COLEC10: variants seen among roughly 807,000 people sequenced by gnomAD.
COLEC10 encodes collectin subfamily member 10, also known as collectin-10.
COLEC10 carries 22 observed loss-of-function variants against 28.4 expected under a neutral mutation model. The ratio of observed to expected loss-of-function variants is 0.78; its 90% CI spans 0.55 to 1.11. The LOEUF (loss-of-function observed/expected upper bound fraction) is 1.11. COLEC10 is among the 50% of genes least tolerant of loss of function. The pLI, the probability that COLEC10 is intolerant of heterozygous loss-of-function variation, is 0.00. For missense variants in COLEC10, 361 were observed against 344.1 expected, an observed-to-expected ratio of 1.05 and a Z score of -0.39; for synonymous variants, 125 against 116.1, an observed-to-expected ratio of 1.08 and a Z score of -0.49.
At chr8:118,989,726 A>ATGTGTGTGTGTGTGTGTGTGTG in the COLEC10 span, among the ~76,000 whole-genome samples, 64 of 151,314 alleles carry the variant, frequency 4.2e-4, no homozygotes, top group African/African-American at 1.5e-3. Context: ...AAAAATTTGC[A>ATGTGTGTGTGTGTGTGTGTGTG]TGTGTGTGTG....
chr8:119,070,195 G>T lies in COLEC10; in HGVS notation c.148+2766G>T, dbSNP rs116764763. On this transcript the variant is annotated intron_variant, in intron 1 of 5. Coordinates refer to ENST00000332843, the MANE Select transcript of COLEC10 (RefSeq NM_006438.5). ...ACTTCAGTGTCTTCATTTGCAAAAT[G>T]AGCCTTCATCACAGACCTCTTTTAA... 7.5e-3 allele frequency among the ~76,000 whole-genome samples: 1,135 copies of T among 152,232 alleles called. 15 individuals are homozygous for T. Among genetic ancestry groups the T allele is most frequent in the African/African-American group, 0.026 (1,065 of 41,538 alleles).
chr8:118,962,521 A>T, the COLEC10 span, among the ~76,000 whole-genome samples: 3 of 152,338 alleles, frequency 2.0e-5, no homozygotes, highest in Non-Finnish European at 4.4e-5. Context: ...ATATGTGAAC[A>T]CCTGTGATAC....
intron 2 of COLEC10, among the ~76,000 whole-genome samples, chr8:119,038,691 A>C (rs1025031845): frequency 2.6e-5 from 4 of 152,210 alleles, no homozygotes; most frequent in African/African-American, 9.7e-5. Context: ...AACACCTGTG[A>C]ATCTATCACT....
intron 2 of COLEC10, among the ~76,000 whole-genome samples, chr8:119,020,494 T>C (rs1814072317): frequency 6.6e-6 from 1 of 152,134 alleles, no homozygotes. Context: ...AGACACTTAG[T>C]ACATAAGGTT....
intron 2 of COLEC10, among the ~76,000 whole-genome samples, chr8:119,052,967 A>G (rs983081418): frequency 6.6e-6 from 1 of 152,132 alleles, no homozygotes; most frequent in African/African-American, 2.4e-5. Flanking sequence ...GAAGGCATAA[A>G]ATTCCAGAGA....
At chr8:119,062,419 A>G (rs1814871681), upstream of COLEC10, among the ~76,000 whole-genome samples, 3 of 152,182 alleles carry the variant, frequency 2.0e-5, no homozygotes, top group Admixed American at 2.0e-4. Context: ...TTGTCTCATA[A>G]GCCTGTTAAA....
intron 1 of COLEC10, among the ~76,000 whole-genome samples, chr8:119,075,601 G>A (rs1203198268): frequency 6.6e-6 from 1 of 152,072 alleles, no homozygotes; most frequent in East Asian, 1.9e-4. Flanking sequence ...TATATGAACA[G>A]GAGTCATTCT....
At chr8:118,999,014 A>G (rs1563712107) in intron 1 of COLEC10, among the ~76,000 whole-genome samples, 1 of 152,118 alleles carries the variant, frequency 6.6e-6, no homozygotes, top group Non-Finnish European at 1.5e-5. Context: ...ATTATCACCT[A>G]ATTTTCATAA....
the COLEC10 span, among the ~76,000 whole-genome samples, chr8:118,986,951 A>C: frequency 1.0e-3 from 153 of 152,300 alleles, 2 homozygotes; most frequent in African/African-American, 3.6e-3. Flanking sequence ...AAATGTTTTA[A>C]AACTAAATGG....
intron 1 of COLEC10, among the ~76,000 whole-genome samples, chr8:119,072,086 C>T (rs1022876950): frequency 2.6e-5 from 4 of 152,202 alleles, no homozygotes; most frequent in Non-Finnish European, 5.9e-5. Flanking sequence ...ACTGCTGCCT[C>T]CTTCACTAAG....
the COLEC10 span, among the ~76,000 whole-genome samples, chr8:118,952,757 C>T: frequency 1.3e-5 from 2 of 152,168 alleles, no homozygotes; most frequent in African/African-American, 4.8e-5. Flanking sequence ...GTAGCCTCCT[C>T]GAGGTCTTTC....
At chr8:119,089,623 A>T in intron 1 of COLEC10, 57 bp from the exon 2 acceptor site, 2 of 1,363,020 alleles carry the variant, frequency 1.5e-6, no homozygotes, top group South Asian at 2.4e-5. Flanking sequence ...CCCTGGGAGA[A>T]TGTGCTCATG....
rs372730726 is a variant in COLEC10 at position 119,034,415 on chromosome 8, T to TAA, written n.235+24876_235+24877dup. On this transcript the variant is annotated intron_variant and non_coding_transcript_variant, in intron 2 of 6. Transcript: ENST00000521788. ...CATGTATCCCAGAACTTACAGTATTTAAAAAAAAAAAAAAAGGCCAGGTGC... is the reference window on the plus strand; with the variant it reads ...CATGTATCCCAGAACTTACAGTATTTAAAAAAAAAAAAAAAAAGGCCAGGTGC... Among the ~76,000 whole-genome samples, 20 of 137,944 alleles carry TAA rather than the reference T, an allele frequency of 1.4e-4. 1 individual carries two copies. The highest frequency in any genetic ancestry group is 3.6e-3 in the Middle Eastern group (1 of 274). 90.5% of individuals were successfully genotyped at this position (137,944 alleles called of 152,430 possible).
intron 2 of COLEC10, among the ~76,000 whole-genome samples, chr8:119,047,792 G>T (rs1263037580): frequency 6.7e-6 from 1 of 148,392 alleles, no homozygotes; most frequent in African/African-American, 2.5e-5. Context: ...TATCTCAGTT[G>T]TTAGACAAAT....
chr8:119,105,929 C>T lies in COLEC10; in HGVS notation c.572C>T (p.Ala191Val), dbSNP rs145984763. 3.1e-6 allele frequency: 5 copies of T among 1,613,744 alleles called. No individual in the cohort carries two copies. Among genetic ancestry groups the T allele is most frequent in the Non-Finnish European group, 4.2e-6 (5 of 1,179,886 alleles). Residue 191 changes from alanine (A) to valine (V), a missense_variant, in exon 6 of 6, where the codon GCC becomes GTC. This residue lies in a region of COLEC10 where 335 missense variants were observed against 308.5 expected (regional missense o/e 1.09). Coordinates refer to ENST00000332843, the MANE Select transcript of COLEC10 (RefSeq NM_006438.5). ...CTAGCCATGCCCAAGGATGAAGCTGCCAACACACTCATCGCTGACTATGTT... is the reference window on the plus strand; with the variant it reads ...CTAGCCATGCCCAAGGATGAAGCTGTCAACACACTCATCGCTGACTATGTT... ...GMLAMPKDEA[A>V]NTLIADYVAK...
intron 2 of COLEC10, among the ~76,000 whole-genome samples, chr8:119,057,657 A>T (rs369353877): frequency 6.6e-6 from 1 of 152,102 alleles, no homozygotes; most frequent in Non-Finnish European, 1.5e-5. Flanking sequence ...GCTGATAAAT[A>T]GTACTATATA....
At chr8:118,976,169 T>G in the COLEC10 span, among the ~76,000 whole-genome samples, 1 of 152,094 alleles carries the variant, frequency 6.6e-6, no homozygotes, top group Non-Finnish European at 1.5e-5. Flanking sequence ...TAATAGCTAC[T>G]TATCCTCTTT....
At chr8:118,966,136 A>G in the COLEC10 span, among the ~76,000 whole-genome samples, 1 of 152,160 alleles carries the variant, frequency 6.6e-6, no homozygotes, top group Admixed American at 6.6e-5. Flanking sequence ...GGAGGGTTTT[A>G]ATGGAAACAA....
the COLEC10 span, among the ~76,000 whole-genome samples, chr8:118,972,001 C>A: frequency 1.3e-5 from 2 of 151,978 alleles, no homozygotes; most frequent in Non-Finnish European, 2.9e-5. Context: ...GCTTCCCTCT[C>A]CTACTCCAAG....
Sources: allele counts gnomAD v4.1 joint callset (sites outside exome capture counted in the v4.1 genomes callset), GRCh38; gene constraint gnomAD v4.1.1; regional missense constraint gnomAD v4.1.1; transcripts MANE v1.5; gene names NCBI Gene and HGNC (gene_info 2026-07-23, HGNC 2026-07-21).